The following CYP2F1 variants were observed in gnomAD, a reference collection of about 807,000 sequenced individuals.
CYP2F1 encodes the protein cytochrome P450 family 2 subfamily F member 1, also known as cytochrome P450 2F1.
Under a neutral mutation model 40.4 loss-of-function variants are expected in CYP2F1, and 33 were observed. The observed-to-expected ratio is 0.82, with a 90% confidence interval of 0.62 to 1.09. CYP2F1 has a LOEUF of 1.09. Ranked by LOEUF, CYP2F1 falls within the 50% of genes least tolerant of loss-of-function variation. The pLI is 0.00. For missense variants in CYP2F1, 566 were observed against 655.7 expected (o/e 0.86, Z 1.49); for synonymous variants, 235 against 277.2 (o/e 0.85, Z 1.51).
intron 3 of CYP2F1, among the ~76,000 whole-genome samples, chr19:41,119,740 T>TACAC (rs1232745830): frequency 8.2e-5 from 6 of 73,452 alleles, no homozygotes; most frequent in Non-Finnish European, 1.3e-4. Context: ...TATATATATA[T>TACAC]ATATATATAC....
intron 4 of CYP2F1, 21 bp downstream of exon 4, chr19:41,120,517 G>A: frequency 1.2e-6 from 2 of 1,606,502 alleles, no homozygotes; most frequent in Middle Eastern, 3.3e-4. Flanking sequence ...TTTTTTAACA[G>A]GCTGGATGGC....
intron 7 of CYP2F1, among the ~76,000 whole-genome samples, chr19:41,124,016 T>G (rs2032382180): frequency 6.6e-6 from 1 of 151,966 alleles, no homozygotes; most frequent in Non-Finnish European, 1.5e-5. Flanking sequence ...GTGTATCCCC[T>G]GCTCTGCCCC....
chr19:41,116,270 G>A lies in CYP2F1; in HGVS notation c.82G>A (p.Gly28Arg). Residue 28 changes from glycine to arginine, a missense_variant, in exon 2 of 10, where the codon GGA (glycine) becomes AGA (arginine). This residue lies in a region of CYP2F1 where 264 missense variants were observed against 275.7 expected (regional missense o/e 0.96). Transcript: ENST00000331105. ...CCTGACCCTAAGCTCAAGAGATAAG[G>A]GAAAGCTGCCTCCGGGACCCAGACC... ...LLLTLSSRDK[G>R]KLPPGPRPLS... The A allele has an allele frequency of 6.2e-7, 1 of 1,614,088 alleles. No individual in the cohort carries two copies. Among genetic ancestry groups the A allele is most frequent in the Non-Finnish European group, 8.5e-7 (1 of 1,180,016 alleles).
rs147126998 is a variant in CYP2F1 at position 41,128,083 on chromosome 19, C to T, written c.*1C>T. On this transcript the variant is annotated 3_prime_UTR_variant, in exon 10 of 10. Coordinates refer to ENST00000331105, the MANE Select transcript of CYP2F1 (RefSeq NM_000774.5). ...CCAGCTGTGCCTGCGCCCGCGCTAACGCCCCGGCCCTTCCAGATTCGCCTG... is the reference window on the plus strand; with the variant it reads ...CCAGCTGTGCCTGCGCCCGCGCTAATGCCCCGGCCCTTCCAGATTCGCCTG... 6.2e-5 allele frequency: 99 copies of T among 1,599,542 alleles called. 1 individual carries two copies. In the African/African-American group the frequency reaches 1.0e-3, roughly 16 times the overall value.
At chr19:41,120,767 C>A (rs2032149545) in intron 4 of CYP2F1, among the ~76,000 whole-genome samples, 1 of 151,952 alleles carries the variant, frequency 6.6e-6, no homozygotes, top group South Asian at 2.1e-4. Context: ...TAGGCATACA[C>A]CACCATGTCT....
At position 41,116,539 on chromosome 19, in the gene CYP2F1, G is replaced by A. The variant is rs1189375097; in HGVS notation, c.256G>A (p.Glu86Lys). The A allele has an allele frequency of 6.2e-7, 1 of 1,613,922 alleles. No individual in the cohort carries two copies. The highest frequency in any genetic ancestry group is 1.7e-5 in the Admixed American group (1 of 59,980). Residue 86 changes from glutamate (E) to lysine (K), a missense_variant, in exon 3 of 10, where the codon GAG (glutamate) becomes AAG (lysine). Physicochemically the swap from Glu to Lys is moderately conservative, Grantham distance 56 (BLOSUM62 1). This residue lies in a region of CYP2F1 where 264 missense variants were observed against 275.7 expected (regional missense o/e 0.96). Coordinates refer to ENST00000331105, the MANE Select transcript of CYP2F1 (RefSeq NM_000774.5). ...CCTCAGCGGGTACCAAGCTGTGAAG[G>A]AGGCCCTGGTGGACCAGGGAGAGGA... ...VVLSGYQAVK[E>K]ALVDQGEEFS...
At chr19:41,115,407 G>C (rs1268953230) in intron 1 of CYP2F1, among the ~76,000 whole-genome samples, 1 of 151,880 alleles carries the variant, frequency 6.6e-6, no homozygotes, top group Non-Finnish European at 1.5e-5. Flanking sequence ...TCTAGTCTAT[G>C]TCAGCCTCTC....
chr19:41,119,750 C>T (rs200830625), intron 3 of CYP2F1, among the ~76,000 whole-genome samples: 6,952 of 47,776 alleles, frequency 0.15, 313 homozygotes, highest in African/African-American at 0.17. Flanking sequence ...TATATATATA[C>T]ACACACACAC....
At chr19:41,115,409 C>CTTTCTCTAGTCT (rs1235800265) in intron 1 of CYP2F1, among the ~76,000 whole-genome samples, 2 of 152,134 alleles carry the variant, frequency 1.3e-5, no homozygotes, top group African/African-American at 4.8e-5. Context: ...TAGTCTATGT[C>CTTTCTCTAGTCT]AGCCTCTCTC....
At chr19:41,116,392 G>A (rs1201373584) in intron 2 of CYP2F1, 33 bp downstream of exon 2, 18 of 1,610,510 alleles carry the variant, frequency 1.1e-5, no homozygotes, top group Non-Finnish European at 1.4e-5. Context: ...GATGGTGGAA[G>A]GATAAGGAGG....
In CYP2F1 at chr19:41,128,059, C is replaced by T; in HGVS notation, c.1453C>T (p.Gln485Ter). The T allele has an allele frequency of 6.2e-7, 1 of 1,607,470 alleles. No homozygotes were observed. The highest frequency in any genetic ancestry group is 8.5e-7 in the Non-Finnish European group (1 of 1,176,836). Residue 485 changes from glutamine to a stop codon, truncating the protein, a stop_gained, in exon 10 of 10, where the codon CAG (glutamine) becomes TAG (stop). Coordinates refer to ENST00000331105, the MANE Select transcript of CYP2F1 (RefSeq NM_000774.5). LOFTEE classifies it low-confidence loss of function (END_TRUNC). ...SGLGNLPRPF[Q>*]LCLRPR is the part of the protein sequence containing the mutation. ...TCTTGGCAATTTGCCGCGGCCTTTC[C>T]AGCTGTGCCTGCGCCCGCGCTAACG...
intron 1 of CYP2F1, among the ~76,000 whole-genome samples, chr19:41,115,647 AGAT>A (rs1373730936): frequency 6.6e-6 from 1 of 152,204 alleles, no homozygotes; most frequent in African/African-American, 2.4e-5. Context: ...GATCAATGAT[AGAT>A]GATAGAAGAA....
intron 7 of CYP2F1, 42 bp from the exon 8 acceptor site, chr19:41,124,677 G>A (rs750026881): frequency 9.9e-5 from 156 of 1,569,702 alleles, no homozygotes; most frequent in Non-Finnish European, 1.3e-4. Flanking sequence ...GCCCTGTCGC[G>A]CCCGCTGATA....
Position 41,124,812 on chromosome 19 carries a change from T to A in CYP2F1, c.1058T>A (p.Ile353Asn). 1 of 1,611,710 alleles carries A rather than the reference T, an allele frequency of 6.2e-7. No individual in the cohort carries two copies. The highest frequency in any genetic ancestry group is 8.5e-7 in the Non-Finnish European group (1 of 1,179,796). The change falls in exon 8 of 10, where the codon ATC becomes AAC. Residue 353 changes from isoleucine to asparagine, a missense_variant. This residue lies in a region of CYP2F1 where 128 missense variants were observed against 121.0 expected (regional missense o/e 1.06). Transcript: ENST00000331105. ...GCCATGCCTTACACAGACGCGGTGA[T>A]CCACGAGGTGCAGCGCTTTGCAGAC... ...RAAMPYTDAV[I>N]HEVQRFADII...
rs1226371229 is a variant in CYP2F1 at position 41,122,952 on chromosome 19, C to G, written c.953C>G (p.Pro318Arg). 1 of 1,612,982 alleles carries G rather than the reference C, an allele frequency of 6.2e-7. No individual in the cohort carries two copies. The highest frequency in any genetic ancestry group is 1.3e-5 in the African/African-American group (1 of 74,868). The change falls in exon 7 of 10, where the codon CCA becomes CGA. Residue 318 changes from proline to arginine, a missense_variant. Pro to Arg is a moderately radical substitution (Grantham distance 103, BLOSUM62 -2). Around this residue, in one of 5 missense-constraint regions of CYP2F1, gnomAD observed 128 missense variants for 121.0 expected, o/e 1.06. Transcript: ENST00000331105. The stretch of plus-strand genomic sequence containing the variant: ...GCCTTCCTGGCACTCATGAAGTACC[C>G]AAAAGTTCAAGGTGAGGCCCACCCA... ...HHAFLALMKYPKVQARVQEEI... is the reference protein window; with the variant it reads ...HHAFLALMKYRKVQARVQEEI...
intron 3 of CYP2F1, among the ~76,000 whole-genome samples, chr19:41,119,760 C>T (rs1295045312): frequency 8.3e-4 from 98 of 117,934 alleles, no homozygotes; most frequent in East Asian, 4.5e-3. Context: ...CACACACACA[C>T]ACACACACAC....
Position 41,116,193 on chromosome 19 carries a change from A to G in CYP2F1, c.5A>G (p.Asp2Gly), listed in dbSNP as rs2144744833. 1 of 1,599,746 alleles carries G rather than the reference A, an allele frequency of 6.3e-7. No individual in the cohort carries two copies. The highest frequency in any genetic ancestry group is 2.2e-5 in the East Asian group (1 of 44,454). ...ACGCCAGCAGCTGCCTTCACCATGGACAGCATAAGCACAGCCATCTTACTC... is the reference window on the plus strand; with the variant it reads ...ACGCCAGCAGCTGCCTTCACCATGGGCAGCATAAGCACAGCCATCTTACTC... M[D>G]SISTAILLLL... is the part of the protein sequence containing the mutation. The change falls in exon 2 of 10, where the codon GAC (aspartate) becomes GGC (glycine). Residue 2 changes from aspartate (D) to glycine (G), a missense_variant. Around this residue, in one of 5 missense-constraint regions of CYP2F1, gnomAD observed 264 missense variants for 275.7 expected, o/e 0.96. Coordinates refer to ENST00000331105, the MANE Select transcript of CYP2F1 (RefSeq NM_000774.5).
intron 3 of CYP2F1, among the ~76,000 whole-genome samples, chr19:41,117,458 C>A (rs1044155900): frequency 6.6e-6 from 1 of 152,066 alleles, no homozygotes; most frequent in Non-Finnish European, 1.5e-5. Flanking sequence ...GCTACTTTCC[C>A]CCAATCCCAG....
At chr19:41,122,278 G>C in intron 6 of CYP2F1, 145 bp downstream of exon 6, 1 of 769,506 alleles carries the variant, frequency 1.3e-6, no homozygotes, top group South Asian at 1.8e-5. Flanking sequence ...AGCTGGGCTG[G>C]AGCCAGGAGC....
Sources: allele counts gnomAD v4.1 joint callset (sites outside exome capture counted in the v4.1 genomes callset), GRCh38; gene constraint gnomAD v4.1.1; regional missense constraint gnomAD v4.1.1; transcripts MANE v1.5; gene names NCBI Gene and HGNC (gene_info 2026-07-23, HGNC 2026-07-21).